The following CWF19L2 variants were observed in gnomAD, a reference collection of about 807,000 sequenced individuals.
The protein encoded by CWF19L2 is CWF19-like protein 2.
In CWF19L2, 98 loss-of-function variants were observed where a neutral mutation model predicts 111.7. The ratio of observed to expected loss-of-function variants is 0.88; its 90% CI spans 0.75 to 1.04. CWF19L2 has a LOEUF of 1.04. Ranked by LOEUF, CWF19L2 falls within the 50% of genes least tolerant of loss-of-function variation. CWF19L2 has a pLI of 0.00. For missense variants in CWF19L2, 1,101 were observed against 1,051.4 expected, an observed-to-expected ratio of 1.05 and a Z score of -0.65; for synonymous variants, 351 against 342.9, an observed-to-expected ratio of 1.02 and a Z score of -0.26.
chr11:107,335,305 A>G (rs186071379), intron 15 of CWF19L2, among the ~76,000 whole-genome samples: 1 of 152,288 alleles, frequency 6.6e-6, no homozygotes, highest in African/African-American at 2.4e-5. Flanking sequence ...AGATTACTAA[A>G]TAAATTCATT....
intron 7 of CWF19L2, among the ~76,000 whole-genome samples, chr11:107,430,021 C>A (rs1247734921): frequency 6.6e-6 from 1 of 151,792 alleles, no homozygotes; most frequent in Non-Finnish European, 1.5e-5. Context: ...TCTAGAAAAT[C>A]TAATATGCAT....
In CWF19L2 at chr11:107,454,436, T is replaced by C. The variant is rs1024658884; in HGVS notation, c.339+14A>G. ...CTCAAATAGCTGCTTTGATTAATTTTAGTACATACTTACTGATGAGCTATC... is the reference window on the plus strand; with the variant it reads ...CTCAAATAGCTGCTTTGATTAATTTCAGTACATACTTACTGATGAGCTATC... On this transcript the variant is annotated intron_variant, in intron 3 of 17. Transcript: ENST00000282251. 1.5e-6 allele frequency: 2 copies of C among 1,376,504 alleles called. No homozygotes were observed. The highest frequency in any genetic ancestry group is 1.9e-6 in the Non-Finnish European group (2 of 1,062,300). 85.3% of individuals were successfully genotyped at this position (1,376,504 alleles called of 1,614,324 possible). A position where few individuals can be genotyped will look rare whatever the true frequency, so the allele number is the denominator to read the frequency against.
intron 8 of CWF19L2, among the ~76,000 whole-genome samples, chr11:107,422,630 ATAAC>A (rs1225012769): frequency 6.6e-6 from 1 of 152,050 alleles, no homozygotes. Context: ...AAACCAGAGT[ATAAC>A]TAATTTGTCA....
chr11:107,376,284 T>C (rs1860598763), intron 12 of CWF19L2, among the ~76,000 whole-genome samples: 1 of 87,880 alleles, frequency 1.1e-5, no homozygotes, highest in Non-Finnish European at 2.1e-5. Flanking sequence ...ATCATTCTGA[T>C]ACCAAAGCCG....
chr11:107,413,025 T>G (rs1212130276), intron 10 of CWF19L2, among the ~76,000 whole-genome samples: 1 of 152,222 alleles, frequency 6.6e-6, no homozygotes, highest in Non-Finnish European at 1.5e-5. Context: ...GTGAAAATAC[T>G]CTGTATGATA....
chr11:107,347,096 C>T (rs1455588190), intron 14 of CWF19L2, among the ~76,000 whole-genome samples: 1 of 152,016 alleles, frequency 6.6e-6, no homozygotes, highest in Non-Finnish European at 1.5e-5. Flanking sequence ...AAAATGATAA[C>T]AATAAATTTA....
At chr11:107,386,099 ATC>A (rs1312372844) in intron 12 of CWF19L2, among the ~76,000 whole-genome samples, 1 of 152,202 alleles carries the variant, frequency 6.6e-6, no homozygotes, top group Non-Finnish European at 1.5e-5. Context: ...AGTTTCAGAC[ATC>A]CACCTAAACT....
Position 107,414,842 on chromosome 11 carries a change from A to T in CWF19L2, c.1617+1367T>A, listed in dbSNP as rs74593965. Among the ~76,000 whole-genome samples, 288 of 152,292 alleles carry T rather than the reference A, an allele frequency of 1.9e-3. 3 individuals are homozygous for T. In the East Asian group the frequency reaches 0.033, roughly 17 times the overall value. Reference sequence around the variant, plus strand: ...ACATAAAGTATTTATACAAATACAAAATGCAATCACTTCTAACCATCTCCA... The same window carrying T: ...ACATAAAGTATTTATACAAATACAATATGCAATCACTTCTAACCATCTCCA... On this transcript the variant is annotated intron_variant, in intron 10 of 17. Transcript: ENST00000282251.
chr11:107,346,928 G>A (rs1280071898), intron 14 of CWF19L2, among the ~76,000 whole-genome samples: 1 of 152,112 alleles, frequency 6.6e-6, no homozygotes, highest in Admixed American at 6.6e-5. Flanking sequence ...TACTAACATT[G>A]GCTATTTCCT....
intron 8 of CWF19L2, among the ~76,000 whole-genome samples, chr11:107,426,008 G>A (rs1040389231): frequency 6.6e-6 from 1 of 151,862 alleles, no homozygotes; most frequent in Admixed American, 6.6e-5. Context: ...TTGCATGGCA[G>A]TGGACGTTTT....
chr11:107,387,457 C>CA (rs200491333), intron 12 of CWF19L2, among the ~76,000 whole-genome samples: 7 of 58,050 alleles, frequency 1.2e-4, no homozygotes, highest in African/African-American at 4.9e-4. Context: ...CAAAACAAAA[C>CA]AAAACAAAAC....
At chr11:107,449,420 C>T (rs1861748096) in intron 3 of CWF19L2, among the ~76,000 whole-genome samples, 2 of 151,940 alleles carry the variant, frequency 1.3e-5, no homozygotes, top group Non-Finnish European at 2.9e-5. Flanking sequence ...GATGATAAAT[C>T]TGTGGGTAAA....
chr11:107,387,038 G>C (rs1324416093), intron 12 of CWF19L2, among the ~76,000 whole-genome samples: 1 of 150,858 alleles, frequency 6.6e-6, no homozygotes, highest in African/African-American at 2.5e-5. Flanking sequence ...TGGTGACAGA[G>C]CGAGACCCCG....
chr11:107,390,242 G>T (rs1246045219), intron 11 of CWF19L2, 31 bp from the exon 12 acceptor site: 2 of 1,522,460 alleles, frequency 1.3e-6, no homozygotes, highest in Non-Finnish European at 1.8e-6. Context: ...TTAATTTAAT[G>T]AAAACATGAG....
intron 10 of CWF19L2, among the ~76,000 whole-genome samples, chr11:107,413,879 A>G (rs951509037): frequency 1.3e-5 from 2 of 152,238 alleles, no homozygotes; most frequent in African/African-American, 4.8e-5. Flanking sequence ...ATGTAAATTA[A>G]TCTTTGAGAA....
At chr11:107,455,170 T>G (rs559758289) in intron 2 of CWF19L2, among the ~76,000 whole-genome samples, 1 of 152,242 alleles carries the variant, frequency 6.6e-6, no homozygotes, top group South Asian at 2.1e-4. Context: ...ACTTTTAACG[T>G]TCTCACCACA....
chr11:107,379,051 G>A (rs186077490), intron 12 of CWF19L2, among the ~76,000 whole-genome samples: 1 of 152,260 alleles, frequency 6.6e-6, no homozygotes, highest in African/African-American at 2.4e-5. Context: ...AAACAAGCCA[G>A]ATTCGTTAAA....
chr11:107,380,140 G>GA (rs904516841), intron 12 of CWF19L2, among the ~76,000 whole-genome samples: 17 of 137,824 alleles, frequency 1.2e-4, no homozygotes, highest in African/African-American at 4.1e-4. Flanking sequence ...TCATTATATA[G>GA]AAAAAAAATG....
At chr11:107,417,458 C>A (rs1861243358) in intron 9 of CWF19L2, among the ~76,000 whole-genome samples, 1 of 152,126 alleles carries the variant, frequency 6.6e-6, no homozygotes, top group African/African-American at 2.4e-5. Flanking sequence ...GTATCAGGCA[C>A]AGCACATTTA....
Sources: gnomAD v4.1 joint callset for allele counts (sites outside exome capture counted in the v4.1 genomes callset) on GRCh38, gnomAD v4.1.1 for gene constraint, MANE v1.5 for transcripts, NCBI Gene and HGNC (gene_info 2026-07-23, HGNC 2026-07-21) for gene names.